Variants in RPS6KA3 observed in about 807,000 individuals in gnomAD.
RPS6KA3 encodes ribosomal protein S6 kinase alpha-3.
Under a neutral mutation model 67.2 loss-of-function variants are expected in RPS6KA3, and 4 were observed. The observed-to-expected ratio is 0.06, with a 90% CI of 0.03 to 0.14. The LOEUF (loss-of-function observed/expected upper bound fraction) is 0.14, where lower values mean the gene tolerates loss of function less well. Among genes scored for constraint, RPS6KA3 ranks in the 10% least tolerant of loss-of-function variants. The pLI is 1.00. For synonymous variants in RPS6KA3, 182 were observed against 183.7 expected (o/e 0.99, Z 0.07); for missense variants, 204 against 559.0 (o/e 0.36, Z 6.40).
chrX:20,266,609 G>A lies in RPS6KA3; in HGVS notation c.24C>T (p.Asp8=). MPLAQLA[D]PWQKMAVESP... ...TCTCCACAGCCATCTTCTGCCACGG[G>A]TCCGCCAGCTGCGCCAGCGGCATCT... Residue 8 remains aspartate, a synonymous_variant, in exon 1 of 22, where the codon GAC becomes GAT. Coordinates refer to ENST00000379565, the MANE Select transcript of RPS6KA3 (RefSeq NM_004586.3). 1 of 1,148,484 alleles carries A rather than the reference G, an allele frequency of 8.7e-7. No homozygotes were observed. The allele number at this position is 1,148,484 out of a possible 1,213,427, so 94.6% of individuals were successfully genotyped here.
intron 1 of RPS6KA3, among the ~76,000 whole-genome samples, chrX:20,251,952 G>C (rs924566726): frequency 1.8e-5 from 2 of 111,952 alleles, no homozygotes; most frequent in Non-Finnish European, 3.8e-5. Context: ...GGACTCTGAT[G>C]ACATAAATGT....
chrX:20,259,852 T>G (rs1242156723), intron 1 of RPS6KA3, among the ~76,000 whole-genome samples: 1 of 111,391 alleles, frequency 9.0e-6, no homozygotes, highest in African/African-American at 3.3e-5. Flanking sequence ...ACTACCTTAT[T>G]TTTTGGAGGG....
chrX:20,182,196 C>T (rs2067859519), intron 10 of RPS6KA3, among the ~76,000 whole-genome samples: 1 of 111,908 alleles, frequency 8.9e-6, no homozygotes, highest in Non-Finnish European at 1.9e-5. Context: ...TCCAGTGTAA[C>T]CACTTCCCTT....
At chrX:20,225,013 G>A (rs1279237196) in intron 2 of RPS6KA3, among the ~76,000 whole-genome samples, 1 of 111,093 alleles carries the variant, frequency 9.0e-6, no homozygotes, top group Non-Finnish European at 1.9e-5. Flanking sequence ...TAGGTAAAGG[G>A]GTTACAACTT....
intron 19 of RPS6KA3, among the ~76,000 whole-genome samples, chrX:20,162,540 A>T (rs2067331274): frequency 1.0e-5 from 1 of 98,919 alleles, no homozygotes; most frequent in East Asian, 3.0e-4. Context: ...CATCTGAATT[A>T]AAAAAAAAAA....
intron 1 of RPS6KA3, among the ~76,000 whole-genome samples, chrX:20,263,965 A>G (rs2070304830): frequency 9.0e-6 from 1 of 111,444 alleles, no homozygotes; most frequent in Non-Finnish European, 1.9e-5. Flanking sequence ...AAATGACTCT[A>G]AAAAAAACTA....
intron 1 of RPS6KA3, among the ~76,000 whole-genome samples, chrX:20,242,108 A>G (rs2069566521): frequency 8.9e-6 from 1 of 111,867 alleles, no homozygotes; most frequent in African/African-American, 3.2e-5. Flanking sequence ...AGAATAATTG[A>G]TATAAGTATA....
At chrX:20,222,390 G>T (rs1229295986) in intron 2 of RPS6KA3, among the ~76,000 whole-genome samples, 1 of 112,015 alleles carries the variant, frequency 8.9e-6, no homozygotes, top group African/African-American at 3.2e-5. Flanking sequence ...TTTAGGCAAT[G>T]ACATTATTAC....
chrX:20,265,086 C>A (rs2070337494), intron 1 of RPS6KA3, among the ~76,000 whole-genome samples: 1 of 111,652 alleles, frequency 9.0e-6, no homozygotes, highest in Admixed American at 9.5e-5. Context: ...CTTTCCTTTT[C>A]TTTCAACATA....
At chrX:20,234,197 T>C (rs1693239860) in intron 2 of RPS6KA3, among the ~76,000 whole-genome samples, 2 of 112,970 alleles carry the variant, frequency 1.8e-5, no homozygotes. Flanking sequence ...GCTAGGCACA[T>C]GGCTCACGCC....
intron 1 of RPS6KA3, among the ~76,000 whole-genome samples, chrX:20,243,972 AC>A (rs2069618748): frequency 9.0e-6 from 1 of 111,726 alleles, no homozygotes; most frequent in Non-Finnish European, 1.9e-5. Flanking sequence ...GACTAAACCA[AC>A]CACAAAACAC....
intron 1 of RPS6KA3, among the ~76,000 whole-genome samples, chrX:20,236,395 C>T (rs1452255908): frequency 9.0e-6 from 1 of 111,569 alleles, no homozygotes; most frequent in Non-Finnish European, 1.9e-5. Context: ...TCTAAGCTAA[C>T]CATCTTTGGA....
intron 2 of RPS6KA3, 147 bp from the exon 3 acceptor site, chrX:20,209,551 T>C: frequency 2.2e-6 from 1 of 446,251 alleles, no homozygotes; most frequent in Non-Finnish European, 3.9e-6. Flanking sequence ...CAAATTAACA[T>C]ACAAAAACCA....
At position 20,266,836 on chromosome X, in the gene RPS6KA3, C is replaced by A. The variant is rs1392119416; in HGVS notation, c.-204G>T. 1.6e-5 allele frequency: 6 copies of A among 380,727 alleles called. No homozygotes were observed. The highest frequency in any genetic ancestry group is 1.7e-5 in the Non-Finnish European group (5 of 297,748). The allele number at this position is 380,727 out of a possible 1,213,427, so 31.4% of individuals were successfully genotyped here. ...CGACGCCGACCGCCCGAAAGCCGCGCGCCTGGCCAGAGACGCCCGCGCGCT... is the reference window on the plus strand; with the variant it reads ...CGACGCCGACCGCCCGAAAGCCGCGAGCCTGGCCAGAGACGCCCGCGCGCT... On this transcript the variant is annotated 5_prime_UTR_variant, in exon 1 of 22. Coordinates refer to ENST00000379565, the MANE Select transcript of RPS6KA3 (RefSeq NM_004586.3).
At chrX:20,174,347 CTTT>C (rs746491012) in intron 14 of RPS6KA3, among the ~76,000 whole-genome samples, 2 of 91,458 alleles carry the variant, frequency 2.2e-5, no homozygotes, top group African/African-American at 4.1e-5. Context: ...ATTCTACTTT[CTTT>C]TTTTTTTTTT....
intron 3 of RPS6KA3, among the ~76,000 whole-genome samples, chrX:20,207,266 T>C (rs1257493016): frequency 9.0e-6 from 1 of 111,203 alleles, no homozygotes; most frequent in Admixed American, 9.6e-5. Context: ...CAGAGTGGGA[T>C]AGGGGAGGTA....
At chrX:20,188,096 C>T (rs1303520236) in intron 8 of RPS6KA3, 126 bp from the exon 9 acceptor site, 1 of 630,227 alleles carries the variant, frequency 1.6e-6, no homozygotes, top group East Asian at 3.6e-5. Context: ...TTTTTTGAGA[C>T]AGAGTCTCGC....
intron 4 of RPS6KA3, among the ~76,000 whole-genome samples, chrX:20,203,141 G>GA (rs1316435244): frequency 9.0e-6 from 1 of 111,379 alleles, no homozygotes; most frequent in Non-Finnish European, 1.9e-5. Flanking sequence ...AATTGAAGAG[G>GA]AAAAAATGGA....
chrX:20,185,505 C>T (rs1274822957), intron 10 of RPS6KA3, among the ~76,000 whole-genome samples: 4 of 110,979 alleles, frequency 3.6e-5, no homozygotes, highest in African/African-American at 1.3e-4. Flanking sequence ...CCATCTGCCA[C>T]CCCACAAAGT....
Sources: gnomAD v4.1 joint callset for allele counts (sites outside exome capture counted in the v4.1 genomes callset) on GRCh38, gnomAD v4.1.1 for gene constraint, MANE v1.5 for transcripts, NCBI Gene and HGNC (gene_info 2026-07-23, HGNC 2026-07-21) for gene names.